The following CDH18 variants were observed in gnomAD, a reference collection of about 807,000 sequenced individuals.
The protein encoded by CDH18 is cadherin-18.
In CDH18, 31 loss-of-function variants were observed where a neutral mutation model predicts 67.9. That is an observed-to-expected ratio of 0.46 (90% CI 0.34 to 0.62). The LOEUF (loss-of-function observed/expected upper bound fraction) is 0.62, where lower values mean the gene tolerates loss of function less well. Ranked by LOEUF, CDH18 falls within the 20% of genes least tolerant of loss-of-function variation. The pLI is 0.01. For missense variants in CDH18, 890 were observed against 975.5 expected (o/e 0.91, Z 1.17); for synonymous variants, 362 against 347.2 (o/e 1.04, Z -0.48).
At chr5:19,667,262 C>A (rs1758087280) in intron 5 of CDH18, among the ~76,000 whole-genome samples, 1 of 151,334 alleles carries the variant, frequency 6.6e-6, no homozygotes, top group African/African-American at 2.4e-5. Context: ...CTGTAAAAAA[C>A]TGATCAAAAT....
chr5:20,269,686 G>T (rs78283848), intron 1 of CDH18, among the ~76,000 whole-genome samples: 3,738 of 152,036 alleles, frequency 0.025, 159 homozygotes, highest in African/African-American at 0.084. Context: ...TATGTATGTA[G>T]AAAACGAAAT....
chr5:20,162,141 G>C (rs1355353620), intron 2 of CDH18, among the ~76,000 whole-genome samples: 1 of 151,880 alleles, frequency 6.6e-6, no homozygotes, highest in Non-Finnish European at 1.5e-5. Context: ...AAAAAACAAA[G>C]CTCAATTTCT....
chr5:20,500,932 T>C (rs929520268), intron 1 of CDH18, among the ~76,000 whole-genome samples: 7 of 152,152 alleles, frequency 4.6e-5, no homozygotes, highest in African/African-American at 2.4e-5. Context: ...CTAAGTAGTT[T>C]ATAATTTTGT....
intron 5 of CDH18, among the ~76,000 whole-genome samples, chr5:19,619,117 T>G (rs757282761): frequency 6.6e-6 from 1 of 152,170 alleles, no homozygotes; most frequent in African/African-American, 2.4e-5. Context: ...CTTGTCTGTA[T>G]AGAAAACAAA....
chr5:20,461,745 A>C (rs1480936937), intron 1 of CDH18, among the ~76,000 whole-genome samples: 1 of 152,170 alleles, frequency 6.6e-6, no homozygotes, highest in East Asian at 1.9e-4. Context: ...ATTTATGCTC[A>C]GTCATCTAAG....
chr5:19,882,467 TAAGAGATA>T (rs1433853536), intron 2 of CDH18, among the ~76,000 whole-genome samples: 1 of 152,152 alleles, frequency 6.6e-6, no homozygotes, highest in African/African-American at 2.4e-5. Context: ...AAATGAATCT[TAAGAGATA>T]AAGAATTTCA....
intron 5 of CDH18, among the ~76,000 whole-genome samples, chr5:19,693,946 G>A (rs1215163213): frequency 6.7e-6 from 1 of 149,432 alleles, no homozygotes; most frequent in African/African-American, 2.5e-5. Context: ...ATAATATTAA[G>A]GGGACTTGAA....
At chr5:20,101,174 T>C (rs903294082) in intron 2 of CDH18, among the ~76,000 whole-genome samples, 3 of 151,988 alleles carry the variant, frequency 2.0e-5, no homozygotes, top group African/African-American at 7.3e-5. Context: ...ATTGCCCAGG[T>C]TAGTCTGGAA....
At chr5:19,485,556 G>A (rs538079689) in intron 11 of CDH18, among the ~76,000 whole-genome samples, 4 of 152,150 alleles carry the variant, frequency 2.6e-5, no homozygotes, top group African/African-American at 9.6e-5. Flanking sequence ...CGCCTGGCCA[G>A]CTGTCTATTT....
upstream of CDH18, among the ~76,000 whole-genome samples, chr5:19,989,002 A>G (rs989776775): frequency 3.3e-5 from 5 of 151,934 alleles, no homozygotes; most frequent in Non-Finnish European, 7.4e-5. Flanking sequence ...ACCTCTTATC[A>G]CTCCAGAATA....
chr5:20,482,392 CA>C (rs1203989107), intron 1 of CDH18, among the ~76,000 whole-genome samples: 1 of 151,900 alleles, frequency 6.6e-6, no homozygotes, highest in Non-Finnish European at 1.5e-5. Flanking sequence ...CAAACTATTA[CA>C]AAAAGTAGGA....
intron 2 of CDH18, among the ~76,000 whole-genome samples, chr5:20,087,244 A>C (rs1745040644): frequency 6.6e-6 from 1 of 152,180 alleles, no homozygotes; most frequent in Admixed American, 6.6e-5. Context: ...TGAATGGGTT[A>C]GGAGTTGCAT....
intron 2 of CDH18, among the ~76,000 whole-genome samples, chr5:20,159,270 G>A (rs183040114): frequency 2.6e-5 from 4 of 152,228 alleles, no homozygotes; most frequent in Non-Finnish European, 5.9e-5. Context: ...GGAGTTTGGA[G>A]GATGCTAATG....
At chr5:20,453,574 TGTG>T (rs1388463131) in intron 1 of CDH18, among the ~76,000 whole-genome samples, 2 of 13,788 alleles carry the variant, frequency 1.5e-4, no homozygotes, top group African/African-American at 2.8e-4. Flanking sequence ...TATATATATA[TGTG>T]TGTGTGTGTG....
At chr5:19,631,766 T>C (rs1196269958) in intron 5 of CDH18, among the ~76,000 whole-genome samples, 1 of 152,188 alleles carries the variant, frequency 6.6e-6, no homozygotes, top group Non-Finnish European at 1.5e-5. Flanking sequence ...GGCATTTATA[T>C]GTGTAATGAA....
intron 8 of CDH18, among the ~76,000 whole-genome samples, chr5:19,547,639 A>G (rs772745023): frequency 2.0e-5 from 3 of 152,168 alleles, no homozygotes; most frequent in Admixed American, 6.6e-5. Context: ...AGAGTTAAAC[A>G]TTTTAATTTA....
At chr5:19,990,831 T>TGC (rs1799943400), upstream of CDH18, among the ~76,000 whole-genome samples, 1 of 152,160 alleles carries the variant, frequency 6.6e-6, no homozygotes, top group East Asian at 1.9e-4. Context: ...AATGTGGAAT[T>TGC]TGCTGCTAGG....
chr5:19,535,829 A>G (rs1187510015), intron 9 of CDH18, among the ~76,000 whole-genome samples: 1 of 152,226 alleles, frequency 6.6e-6, no homozygotes, highest in African/African-American at 2.4e-5. Flanking sequence ...AAGTTTCAAT[A>G]AAGTATCATC....
chr5:20,162,223 A>G lies in CDH18; in HGVS notation c.-518+93221T>C, dbSNP rs555696720. Reference sequence around the variant, plus strand: ...TGAAATGTCATTTATCACTCTGCTTACTTGTTTTAAATTAGTTTTTGGTCT... The same window carrying G: ...TGAAATGTCATTTATCACTCTGCTTGCTTGTTTTAAATTAGTTTTTGGTCT... On this transcript the variant is annotated intron_variant, in intron 2 of 14. Coordinates refer to the CDH18 transcript ENST00000507958. Among the ~76,000 whole-genome samples, 26 of 152,094 alleles carry G rather than the reference A, an allele frequency of 1.7e-4. 1 individual carries two copies. Among genetic ancestry groups the G allele is most frequent in the Admixed American group, 1.5e-3 (23 of 15,244 alleles).
Sources: allele counts gnomAD v4.1 joint callset (sites outside exome capture counted in the v4.1 genomes callset), GRCh38; gene constraint gnomAD v4.1.1; transcripts MANE v1.5; gene names NCBI Gene and HGNC (gene_info 2026-07-23, HGNC 2026-07-21).